The following PTPRT variants were observed in gnomAD, a reference collection of about 807,000 sequenced individuals.
PTPRT encodes the protein receptor-type tyrosine-protein phosphatase T.
A neutral mutation model predicts 176.8 loss-of-function variants in PTPRT; 56 were observed. The observed-to-expected ratio is 0.32, with a 90% confidence interval of 0.26 to 0.40. The LOEUF (loss-of-function observed/expected upper bound fraction) is 0.40, where lower values mean the gene tolerates loss of function less well. Ranked by LOEUF, PTPRT falls within the 10% of genes least tolerant of loss-of-function variation. PTPRT has a pLI of 1.00. For missense variants in PTPRT, 1,540 were observed against 1,908.2 expected (o/e 0.81, Z 3.60); for synonymous variants, 783 against 739.0 (o/e 1.06, Z -0.96).
At chr20:42,121,677 T>C (rs1568950303) in intron 19 of PTPRT, among the ~76,000 whole-genome samples, 1 of 134,484 alleles carries the variant, frequency 7.4e-6, no homozygotes, top group Admixed American at 8.2e-5. Flanking sequence ...TCTCAATGGA[T>C]GACTGAATAA....
intron 6 of PTPRT, among the ~76,000 whole-genome samples, chr20:42,701,970 C>A (rs2075980025): frequency 6.6e-6 from 1 of 152,120 alleles, no homozygotes; most frequent in African/African-American, 2.4e-5. Flanking sequence ...AGTGGCAAAA[C>A]AGGTAAGAGT....
intron 1 of PTPRT, among the ~76,000 whole-genome samples, chr20:42,947,898 A>G (rs952336160): frequency 2.0e-5 from 3 of 152,128 alleles, no homozygotes; most frequent in Non-Finnish European, 2.9e-5. Flanking sequence ...CCATGAGAAC[A>G]GGGAATTATG....
intron 1 of PTPRT, among the ~76,000 whole-genome samples, chr20:43,016,032 C>T (rs1985352228): frequency 6.6e-6 from 1 of 152,056 alleles, no homozygotes; most frequent in Admixed American, 6.5e-5. Flanking sequence ...TGGTTCCAGA[C>T]CATCCCCAAG....
intron 8 of PTPRT, among the ~76,000 whole-genome samples, chr20:42,461,441 G>T (rs752603681): frequency 1.3e-5 from 2 of 152,128 alleles, no homozygotes; most frequent in African/African-American, 4.8e-5. Flanking sequence ...AGAGGGTGAG[G>T]TGGGAGGGCC....
chr20:42,551,280 G>A (rs2072765535), intron 7 of PTPRT, among the ~76,000 whole-genome samples: 1 of 151,998 alleles, frequency 6.6e-6, no homozygotes, highest in Non-Finnish European at 1.5e-5. Context: ...AAAGAGCTGG[G>A]CCACTCCCAT....
chr20:42,646,192 C>T (rs1377705430), intron 7 of PTPRT, among the ~76,000 whole-genome samples: 1 of 141,214 alleles, frequency 7.1e-6, no homozygotes, highest in Non-Finnish European at 1.5e-5. Context: ...TGCCCAGAAA[C>T]TACCATTCTT....
chr20:43,027,280 A>G (rs1412880831), intron 1 of PTPRT, among the ~76,000 whole-genome samples: 3 of 152,168 alleles, frequency 2.0e-5, no homozygotes, highest in Non-Finnish European at 4.4e-5. Context: ...GTTTGAGACC[A>G]GCCTGGCCAA....
intron 3 of PTPRT, among the ~76,000 whole-genome samples, chr20:42,783,050 G>A (rs1462830027): frequency 6.6e-6 from 1 of 152,156 alleles, no homozygotes; most frequent in Non-Finnish European, 1.5e-5. Flanking sequence ...AAAGGCTTAT[G>A]GCTCAGTTGC....
At chr20:42,776,821 C>T (rs1221155200) in intron 4 of PTPRT, among the ~76,000 whole-genome samples, 2 of 147,156 alleles carry the variant, frequency 1.4e-5, no homozygotes, top group Non-Finnish European at 3.0e-5. Context: ...CTATAACTCA[C>T]ATTTATATAA....
chr20:42,209,158 T>C (rs1412900316), intron 15 of PTPRT, among the ~76,000 whole-genome samples: 1 of 152,132 alleles, frequency 6.6e-6, no homozygotes, highest in Non-Finnish European at 1.5e-5. Context: ...TGTGTAGAAG[T>C]AAATTTATAG....
chr20:42,770,944 T>C (rs893462215), intron 5 of PTPRT, among the ~76,000 whole-genome samples: 3 of 152,222 alleles, frequency 2.0e-5, no homozygotes, highest in South Asian at 2.1e-4. Context: ...AGATCATAGA[T>C]GCAGGGCACC....
chr20:43,048,422 G>T (rs1480337726), intron 1 of PTPRT, among the ~76,000 whole-genome samples: 1 of 152,110 alleles, frequency 6.6e-6, no homozygotes, highest in Non-Finnish European at 1.5e-5. Context: ...CAACAGGGTG[G>T]CACAACCAGT....
At chr20:43,010,485 T>TC (rs1220324890) in intron 1 of PTPRT, among the ~76,000 whole-genome samples, 1 of 152,148 alleles carries the variant, frequency 6.6e-6, no homozygotes, top group Non-Finnish European at 1.5e-5. Context: ...CAAATAGTGT[T>TC]CCCCAAGAAC....
At chr20:42,406,805 CATGGCTCATCATCAACAA>C (rs2058965287) in intron 9 of PTPRT, among the ~76,000 whole-genome samples, 1 of 152,160 alleles carries the variant, frequency 6.6e-6, no homozygotes, top group Non-Finnish European at 1.5e-5. Context: ...TTATTCTAAG[CATGGCTCATCATCAACAA>C]ATATATTAAG....
At chr20:42,371,131 G>A (rs2058581263) in intron 9 of PTPRT, among the ~76,000 whole-genome samples, 2 of 152,174 alleles carry the variant, frequency 1.3e-5, no homozygotes, top group South Asian at 4.1e-4. Context: ...TATAACAATG[G>A]GGATGGTGAC....
intron 1 of PTPRT, among the ~76,000 whole-genome samples, chr20:43,052,536 GGT>G (rs1987087731): frequency 6.6e-6 from 1 of 152,068 alleles, no homozygotes; most frequent in South Asian, 2.1e-4. Flanking sequence ...AACTTCAATG[GGT>G]GTGTTTACAT....
chr20:42,894,389 G>T (rs896190205), intron 1 of PTPRT, among the ~76,000 whole-genome samples: 1 of 152,112 alleles, frequency 6.6e-6, no homozygotes, highest in Non-Finnish European at 1.5e-5. Flanking sequence ...AGATAGTCAA[G>T]ATAACCATGT....
At chr20:42,252,842 A>G (rs1295054401) in intron 13 of PTPRT, among the ~76,000 whole-genome samples, 1 of 152,254 alleles carries the variant, frequency 6.6e-6, no homozygotes, top group Non-Finnish European at 1.5e-5. Context: ...AGTTCAGCCA[A>G]CAGGCAGCAG....
rs74730825 is a variant in PTPRT at position 42,808,439 on chromosome 20, C to G, written c.215-16973G>C. ...GAACGATCATTTCAGGCAGAGGGAA[C>G]AGGACGAGAAAGTCCAGGACTATGA... On this transcript the variant is annotated intron_variant, in intron 2 of 30. Coordinates refer to ENST00000373187, the MANE Select transcript of PTPRT (RefSeq NM_007050.6). Among the ~76,000 whole-genome samples the G allele has an allele frequency of 1.5e-3, 225 of 152,128 alleles. 2 individuals are homozygous for G. The highest frequency in any genetic ancestry group is 5.2e-3 in the African/African-American group (215 of 41,498).
Sources: allele counts gnomAD v4.1 joint callset (sites outside exome capture counted in the v4.1 genomes callset), GRCh38; gene constraint gnomAD v4.1.1; transcripts MANE v1.5; gene names NCBI Gene and HGNC (gene_info 2026-07-23, HGNC 2026-07-21).